Variants in TMPRSS12 observed in about 807,000 individuals in gnomAD.
TMPRSS12 encodes transmembrane protease serine 12.
TMPRSS12 carries 25 observed loss-of-function variants against 26.0 expected under a neutral mutation model. The observed-to-expected ratio is 0.96, with a 90% CI of 0.70 to 1.34. The LOEUF (loss-of-function observed/expected upper bound fraction) is 1.34. TMPRSS12 is among the 40% of genes most tolerant of loss of function. TMPRSS12 has a pLI of 0.00. For synonymous variants in TMPRSS12, 150 were observed against 161.7 expected, an observed-to-expected ratio of 0.93 and a Z score of 0.55; for missense variants, 441 against 440.1, an observed-to-expected ratio of 1.00 and a Z score of -0.02.
rs1262123071 is a variant in TMPRSS12, at chr12:50,872,607, T to C, written c.653-12639T>C. Among the ~76,000 whole-genome samples, 6 of 137,608 alleles carry C rather than the reference T, an allele frequency of 4.4e-5. No homozygotes were observed. The South Asian group carries it at 7.0e-4, about 16-fold the overall frequency. The allele number at this position is 137,608 out of a possible 152,430, so 90.3% of individuals were successfully genotyped here. A position where few individuals can be genotyped will look rare whatever the true frequency, so the allele number is the denominator to read the frequency against. Reference sequence around the variant, plus strand: ...TACATATATATGACGTATATGTACATATATATGACGTATATATGTACATAT... The same window carrying C: ...TACATATATATGACGTATATGTACACATATATGACGTATATATGTACATAT... On this transcript the variant is annotated intron_variant, in intron 3 of 4. Transcript: ENST00000398458.
intron 3 of TMPRSS12, among the ~76,000 whole-genome samples, chr12:50,885,017 CTGGGCAA>C (rs1265065710): frequency 6.6e-4 from 100 of 152,248 alleles, no homozygotes; most frequent in Non-Finnish European, 5.3e-4. Context: ...GCACTCCAGC[CTGGGCAA>C]TAGATCAAGA....
At chr12:50,851,763 T>C (rs2139721408) in intron 2 of TMPRSS12, among the ~76,000 whole-genome samples, 1 of 152,224 alleles carries the variant, frequency 6.6e-6, no homozygotes, top group South Asian at 2.1e-4. Context: ...CCAAGGTTAA[T>C]GTAAAAGAAA....
At chr12:50,872,841 T>TATATATGTA (rs1565936036) in intron 3 of TMPRSS12, among the ~76,000 whole-genome samples, 2 of 24,398 alleles carry the variant, frequency 8.2e-5, no homozygotes, top group Admixed American at 9.2e-4. Flanking sequence ...ATATATGACG[T>TATATATGTA]CTATATATGT....
At chr12:50,876,841 G>A (rs1938118617) in intron 3 of TMPRSS12, among the ~76,000 whole-genome samples, 4 of 146,922 alleles carry the variant, frequency 2.7e-5, no homozygotes, top group Admixed American at 2.7e-4. Context: ...TAAAGAAAGT[G>A]TGGTACATAT....
intron 2 of TMPRSS12, among the ~76,000 whole-genome samples, chr12:50,848,597 C>T (rs1430142619): frequency 3.9e-5 from 6 of 152,208 alleles, no homozygotes; most frequent in Admixed American, 3.9e-4. Flanking sequence ...ACCTCATAAT[C>T]TTTCAGTTTC....
chr12:50,869,134 A>G (rs1011175711), intron 3 of TMPRSS12, among the ~76,000 whole-genome samples: 2 of 151,854 alleles, frequency 1.3e-5, no homozygotes, highest in Non-Finnish European at 2.9e-5. Flanking sequence ...AGCAGAAGAA[A>G]GGAAACAACG....
At chr12:50,851,324 C>A (rs555588445) in intron 2 of TMPRSS12, among the ~76,000 whole-genome samples, 1 of 152,036 alleles carries the variant, frequency 6.6e-6, no homozygotes. Flanking sequence ...TAAAATAATA[C>A]AAGAGCTGAA....
intron 2 of TMPRSS12, among the ~76,000 whole-genome samples, chr12:50,851,069 C>T (rs1199492151): frequency 6.6e-6 from 1 of 152,218 alleles, no homozygotes; most frequent in Admixed American, 6.5e-5. Flanking sequence ...AGGACAGCAA[C>T]TTCAAAGATT....
At chr12:50,847,713 T>C (rs1305730490) in intron 2 of TMPRSS12, among the ~76,000 whole-genome samples, 1 of 151,814 alleles carries the variant, frequency 6.6e-6, no homozygotes, top group East Asian at 1.9e-4. Context: ...CTGGCCAACA[T>C]GGTGAAACCC....
At position 50,877,592 on chromosome 12, in the gene TMPRSS12, T is replaced by C. The variant is rs190182413; in HGVS notation, c.653-7654T>C. Among the ~76,000 whole-genome samples the C allele has an allele frequency of 8.0e-4, 122 of 152,330 alleles. No individual in the cohort carries two copies. The East Asian group carries it at 9.1e-3, about 11-fold the overall frequency. On this transcript the variant is annotated intron_variant, in intron 3 of 4. Coordinates refer to ENST00000398458, the MANE Select transcript of TMPRSS12 (RefSeq NM_182559.3). Reference sequence around the variant, plus strand: ...TTTAAGAACACAATTCCATTCATAATAGCGTTTATTTATTTATTTTTATTT... The same window carrying C: ...TTTAAGAACACAATTCCATTCATAACAGCGTTTATTTATTTATTTTTATTT...
At chr12:50,856,923 C>T (rs2139724044) in intron 2 of TMPRSS12, among the ~76,000 whole-genome samples, 1 of 152,206 alleles carries the variant, frequency 6.6e-6, no homozygotes, top group East Asian at 1.9e-4. Flanking sequence ...CTCCTGGGCT[C>T]AAGCAATCTG....
At position 50,882,086 on chromosome 12, in the gene TMPRSS12, T is replaced by A. The variant is rs546830211; in HGVS notation, c.653-3160T>A. On this transcript the variant is annotated intron_variant, in intron 3 of 4. Coordinates refer to ENST00000398458, the MANE Select transcript of TMPRSS12 (RefSeq NM_182559.3). ...TTTGAATCATACGGAAGAGCAAACA[T>A]TTGACCTAATATTGAAGAATAAAGT... Among the ~76,000 whole-genome samples the A allele has an allele frequency of 2.8e-3, 381 of 135,266 alleles. 1 individual carries two copies. Among genetic ancestry groups the A allele is most frequent in the African/African-American group, 0.01 (371 of 36,826 alleles). 88.7% of individuals were successfully genotyped at this position (135,266 alleles called of 152,430 possible).
chr12:50,853,581 C>CAAAAAAA (rs34657217), intron 2 of TMPRSS12, among the ~76,000 whole-genome samples: 168 of 101,300 alleles, frequency 1.7e-3, no homozygotes, highest in Non-Finnish European at 2.0e-3. Context: ...GCTAGACTAA[C>CAAAAAAA]AAAAAAAAAA....
chr12:50,853,210 C>T (rs1937843123), intron 2 of TMPRSS12, among the ~76,000 whole-genome samples: 1 of 152,128 alleles, frequency 6.6e-6, no homozygotes, highest in Admixed American at 6.5e-5. Flanking sequence ...ATTAAACAAT[C>T]TTCTCTTGAA....
chr12:50,847,359 TA>T (rs1937780537), intron 2 of TMPRSS12, among the ~76,000 whole-genome samples: 1 of 152,082 alleles, frequency 6.6e-6, no homozygotes, highest in African/African-American at 2.4e-5. Context: ...GCCCGGCCCC[TA>T]AAAACTCTTT....
intron 3 of TMPRSS12, among the ~76,000 whole-genome samples, chr12:50,875,200 T>C (rs1451553385): frequency 6.6e-6 from 1 of 152,118 alleles, no homozygotes; most frequent in African/African-American, 2.4e-5. Flanking sequence ...ACTATAAGAT[T>C]ACAGTAACAT....
intron 2 of TMPRSS12, among the ~76,000 whole-genome samples, chr12:50,847,695 A>T (rs1409553140): frequency 6.6e-6 from 1 of 151,954 alleles, no homozygotes; most frequent in Non-Finnish European, 1.5e-5. Flanking sequence ...CAGAAGTTTG[A>T]GACCAGCCTG....
chr12:50,870,305 G>A (rs1227033709), intron 3 of TMPRSS12, among the ~76,000 whole-genome samples: 1 of 149,386 alleles, frequency 6.7e-6, no homozygotes, highest in East Asian at 2.0e-4. Flanking sequence ...ACATACACAA[G>A]TCAATAAATG....
chr12:50,861,539 T>C (rs966444783), intron 3 of TMPRSS12, among the ~76,000 whole-genome samples: 1 of 152,198 alleles, frequency 6.6e-6, no homozygotes, highest in African/African-American at 2.4e-5. Flanking sequence ...GGGCATGTTA[T>C]TGACTCTTTA....
Sources: allele counts gnomAD v4.1 joint callset (sites outside exome capture counted in the v4.1 genomes callset), GRCh38; gene constraint gnomAD v4.1.1; transcripts MANE v1.5; gene names NCBI Gene and HGNC (gene_info 2026-07-23, HGNC 2026-07-21).